The following NEK1 variants were observed in gnomAD, a reference collection of about 807,000 sequenced individuals.
The protein encoded by NEK1 is serine/threonine-protein kinase Nek1.
In NEK1, 137 loss-of-function variants were observed where a neutral mutation model predicts 182.1. The ratio of observed to expected loss-of-function variants is 0.75; its 90% CI spans 0.65 to 0.87. NEK1 has a LOEUF of 0.87. NEK1 is among the 40% of genes least tolerant of loss of function. NEK1 has a pLI of 0.00. For missense variants in NEK1, 1,391 were observed against 1,494.4 expected, an observed-to-expected ratio of 0.93 and a Z score of 1.14; for synonymous variants, 513 against 492.2, an observed-to-expected ratio of 1.04 and a Z score of -0.56.
intron 19 of NEK1, among the ~76,000 whole-genome samples, chr4:169,511,263 T>G (rs1025698458): frequency 3.9e-5 from 6 of 152,106 alleles, no homozygotes; most frequent in African/African-American, 1.4e-4. Context: ...TGCAATAGCT[T>G]ATCAGTATTT....
At chr4:169,473,945 A>G (rs1746489177) in intron 26 of NEK1, among the ~76,000 whole-genome samples, 1 of 152,202 alleles carries the variant, frequency 6.6e-6, no homozygotes, top group Non-Finnish European at 1.5e-5. Context: ...GTGGTAGAGG[A>G]AAAAGTCTGG....
At chr4:169,478,991 C>A (rs1276133518) in intron 24 of NEK1, among the ~76,000 whole-genome samples, 1 of 152,090 alleles carries the variant, frequency 6.6e-6, no homozygotes, top group African/African-American at 2.4e-5. Flanking sequence ...TGCCATGTCA[C>A]AAAATTTGAA....
intron 32 of NEK1, among the ~76,000 whole-genome samples, chr4:169,406,027 G>C (rs1732526006): frequency 6.6e-6 from 1 of 151,782 alleles, no homozygotes; most frequent in African/African-American, 2.4e-5. Context: ...AACTTGGGAG[G>C]CAGAGGTCGC....
At chr4:169,418,314 C>G (rs916389942) in intron 31 of NEK1, among the ~76,000 whole-genome samples, 1 of 152,166 alleles carries the variant, frequency 6.6e-6, no homozygotes, top group Non-Finnish European at 1.5e-5. Flanking sequence ...ACCCAATACT[C>G]TTTACAGGAA....
chr4:169,522,455 A>T (rs947036452), intron 19 of NEK1, among the ~76,000 whole-genome samples: 9 of 152,242 alleles, frequency 5.9e-5, no homozygotes, highest in Non-Finnish European at 1.2e-4. Context: ...AAAGACTCAT[A>T]GTCCTGCTTA....
intron 27 of NEK1, among the ~76,000 whole-genome samples, chr4:169,458,498 C>T (rs1220089817): frequency 6.6e-6 from 1 of 152,012 alleles, no homozygotes; most frequent in Non-Finnish European, 1.5e-5. Flanking sequence ...GAGGCTGAAG[C>T]GGATGGTTCA....
At chr4:169,431,265 C>T (rs1174095000) in intron 29 of NEK1, among the ~76,000 whole-genome samples, 1 of 150,628 alleles carries the variant, frequency 6.6e-6, no homozygotes, top group Non-Finnish European at 1.5e-5. Context: ...TAATTTACCA[C>T]AAGAGTATTA....
At position 169,607,880 on chromosome 4, in the gene NEK1, C is replaced by T. The variant is rs556384056; in HGVS notation, c.-49+4140G>A. On this transcript the variant is annotated intron_variant, in intron 2 of 35. Transcript: ENST00000507142. ...CACAGCAGAAGGCAGGATTACTAGC[C>T]TATAAAATGAACCAATAGAAAATAT... Among the ~76,000 whole-genome samples, 90 of 151,918 alleles carry T rather than the reference C, an allele frequency of 5.9e-4. 1 individual carries two copies. The highest frequency in any genetic ancestry group is 1.2e-4 in the Non-Finnish European group (8 of 67,980).
At chr4:169,478,050 C>T (rs188383588) in intron 24 of NEK1, among the ~76,000 whole-genome samples, 27 of 151,912 alleles carry the variant, frequency 1.8e-4, no homozygotes, top group African/African-American at 6.5e-4. Flanking sequence ...GTCATTTGTA[C>T]TACAAATGAC....
chr4:169,463,393 G>C lies in NEK1; in HGVS notation c.2437C>G (p.His813Asp). 1 of 1,592,928 alleles carries C rather than the reference G, an allele frequency of 6.3e-7. No homozygotes were observed. The highest frequency in any genetic ancestry group is 8.6e-7 in the Non-Finnish European group (1 of 1,168,440). The part of the protein sequence containing the change: ...LDTSFSTTER[H>D]TVGEVIKLGP... ...AATTTAATAACTTCTCCCACTGTAT[G>C]TCCTATAAGAAAAATATACAAAGAA... Residue 813 changes from histidine to aspartate, a missense_variant and splice_region_variant, in exon 27 of 36, where the codon CAT becomes GAT. His to Asp is a moderately conservative substitution (Grantham distance 81). This residue lies in a region of NEK1 where 1,216 missense variants were observed against 1,277.6 expected (regional missense o/e 0.95). Coordinates refer to ENST00000507142, the MANE Select transcript of NEK1 (RefSeq NM_001199397.3).
intron 27 of NEK1, among the ~76,000 whole-genome samples, chr4:169,440,388 A>G (rs1739215871): frequency 6.6e-6 from 1 of 152,100 alleles, no homozygotes; most frequent in South Asian, 2.1e-4. Context: ...ATATTTAAAA[A>G]TCAATCAATG....
At chr4:169,553,074 T>C (rs1269208870) in intron 18 of NEK1, among the ~76,000 whole-genome samples, 1 of 152,098 alleles carries the variant, frequency 6.6e-6, no homozygotes, top group Non-Finnish European at 1.5e-5. Context: ...AAACTTATTA[T>C]AAAGCTTATA....
At position 169,605,588 on chromosome 4, in the gene NEK1, A is replaced by T. The variant is rs139929590; in HGVS notation, c.-48-2910T>A. Among the ~76,000 whole-genome samples, 890 of 152,330 alleles carry T rather than the reference A, an allele frequency of 5.8e-3. 9 individuals are homozygous for T. The highest frequency in any genetic ancestry group is 0.02 in the African/African-American group (848 of 41,582). On this transcript the variant is annotated intron_variant, in intron 2 of 35. Coordinates refer to ENST00000507142, the MANE Select transcript of NEK1 (RefSeq NM_001199397.3). ...ATAATTCCATAAAATTTTTCATACC[A>T]AATGAAATAGAAAACAATAACAAAT...
intron 30 of NEK1, 123 bp from the exon 31 acceptor site, chr4:169,424,923 A>C (rs1736112007): frequency 1.0e-6 from 1 of 957,772 alleles, no homozygotes; most frequent in Non-Finnish European, 1.5e-6. Context: ...GGAAAATAAA[A>C]TCAAAATATG....
Position 169,556,094 on chromosome 4 carries a change from G to A in NEK1, c.1268C>T (p.Ala423Val), listed in dbSNP as rs1273399730. ...LSAGGSGEVK[A>V]PFLGSGGTIA... is the part of the protein sequence containing the mutation. ...AGTCCCTCCACTGCCCAGAAAAGGA[G>A]CCTAGGGATTAAACAAAGAGCTCTC... Residue 423 changes from alanine (A) to valine (V), a missense_variant and splice_region_variant, in exon 17 of 36, where the codon GCT becomes GTT. Ala to Val is a moderately conservative substitution (Grantham distance 64). This residue lies in a region of NEK1 where 1,216 missense variants were observed against 1,277.6 expected (regional missense o/e 0.95). Transcript: ENST00000507142. 3.1e-6 allele frequency: 5 copies of A among 1,611,000 alleles called. No individual in the cohort carries two copies. Among genetic ancestry groups the A allele is most frequent in the Non-Finnish European group, 4.2e-6 (5 of 1,178,576 alleles).
At chr4:169,552,438 G>A (rs768391698) in intron 18 of NEK1, among the ~76,000 whole-genome samples, 5 of 150,160 alleles carry the variant, frequency 3.3e-5, no homozygotes, top group East Asian at 1.9e-4. Context: ...CTAAATTAGA[G>A]AGGAACTTCC....
intron 19 of NEK1, among the ~76,000 whole-genome samples, chr4:169,532,097 G>A (rs1472066479): frequency 1.3e-5 from 2 of 152,176 alleles, no homozygotes; most frequent in African/African-American, 4.8e-5. Context: ...ATGGCGGTGA[G>A]TAGGTGACTG....
chr4:169,508,221 C>T (rs753477207), intron 21 of NEK1, 27 bp downstream of exon 21: 48 of 1,550,124 alleles, frequency 3.1e-5, no homozygotes, highest in Non-Finnish European at 4.2e-5. Context: ...CATTCAATTT[C>T]TTCAAAAAAA....
rs1435433128 is a variant in NEK1 at position 169,589,431 on chromosome 4, T to G, written c.464+16A>C. 1 of 1,404,002 alleles carries G rather than the reference T, an allele frequency of 7.1e-7. No individual in the cohort carries two copies. Among genetic ancestry groups the G allele is most frequent in the African/African-American group, 1.4e-5 (1 of 69,056 alleles). 87.0% of individuals were successfully genotyped at this position (1,404,002 alleles called of 1,614,324 possible). ...TGAAAACATTATATCAAAACAAAGT[T>G]TAAAATTCATGTTACCTATTAAGAA... On this transcript the variant is annotated intron_variant, in intron 7 of 35. Coordinates refer to ENST00000507142, the MANE Select transcript of NEK1 (RefSeq NM_001199397.3).
Sources: allele counts gnomAD v4.1 joint callset (sites outside exome capture counted in the v4.1 genomes callset), GRCh38; gene constraint gnomAD v4.1.1; regional missense constraint gnomAD v4.1.1; transcripts MANE v1.5; gene names NCBI Gene and HGNC (gene_info 2026-07-23, HGNC 2026-07-21).